Variants in DLG2 observed in about 807,000 individuals in gnomAD.
DLG2 encodes disks large homolog 2.
DLG2 carries 45 observed loss-of-function variants against 132.5 expected under a neutral mutation model. The ratio of observed to expected loss-of-function variants is 0.34; its 90% CI spans 0.27 to 0.44. The LOEUF (loss-of-function observed/expected upper bound fraction) is 0.44. DLG2 is among the 20% of genes least tolerant of loss of function. DLG2 has a pLI of 1.00. For missense variants in DLG2, 1,045 were observed against 1,196.9 expected (o/e 0.87, Z 1.87); for synonymous variants, 424 against 419.6 (o/e 1.01, Z -0.13).
chr11:84,556,041 G>C (rs575462599), intron 6 of DLG2, among the ~76,000 whole-genome samples: 97 of 152,218 alleles, frequency 6.4e-4, no homozygotes, highest in Admixed American at 1.6e-3. Flanking sequence ...GTTTTCTTTT[G>C]CCCACCCACA....
At chr11:85,272,319 GTCTCAGATA>G (rs1366005771) in intron 4 of DLG2, among the ~76,000 whole-genome samples, 3 of 152,136 alleles carry the variant, frequency 2.0e-5, no homozygotes, top group Non-Finnish European at 4.4e-5. Flanking sequence ...AAGTTGCCCA[GTCTCAGATA>G]TGTCTTTATC....
chr11:85,192,316 T>C (rs1308736203), intron 4 of DLG2, among the ~76,000 whole-genome samples: 1 of 152,240 alleles, frequency 6.6e-6, no homozygotes, highest in Non-Finnish European at 1.5e-5. Context: ...ATCATTATCA[T>C]TACAATCTTG....
At chr11:84,609,235 C>A (rs2099591077) in intron 6 of DLG2, among the ~76,000 whole-genome samples, 1 of 152,086 alleles carries the variant, frequency 6.6e-6, no homozygotes, top group South Asian at 2.1e-4. Flanking sequence ...TAGTTAACCT[C>A]TCTGTGCTTC....
At chr11:83,851,435 G>A (rs1436492269) in intron 16 of DLG2, among the ~76,000 whole-genome samples, 2 of 151,660 alleles carry the variant, frequency 1.3e-5, no homozygotes, top group African/African-American at 4.8e-5. Flanking sequence ...GACTAGCTTG[G>A]CCAACATGGT....
rs144118270 is a variant in DLG2 at position 84,625,976 on chromosome 11, G to A, written c.358-91245C>T. Among the ~76,000 whole-genome samples, 604 of 152,222 alleles carry A rather than the reference G, an allele frequency of 4.0e-3. 3 individuals are homozygous for A. The highest frequency in any genetic ancestry group is 6.7e-3 in the Non-Finnish European group (456 of 67,998). ...AACAATTAGGTGCCAAGCATAGAAT[G>A]TATTTTTCTTTGTCTTTGTCACCAT... On this transcript the variant is annotated intron_variant, in intron 6 of 27. Coordinates refer to ENST00000376104, the MANE Select transcript of DLG2 (RefSeq NM_001142699.3).
At chr11:85,071,686 A>C (rs2065890129) in intron 6 of DLG2, among the ~76,000 whole-genome samples, 1 of 151,796 alleles carries the variant, frequency 6.6e-6, no homozygotes, top group African/African-American at 2.4e-5. Context: ...TTCAAACATA[A>C]ACTGATCCTT....
At chr11:85,514,398 G>T (rs1247529593) in intron 3 of DLG2, among the ~76,000 whole-genome samples, 1 of 151,984 alleles carries the variant, frequency 6.6e-6, no homozygotes, top group Non-Finnish European at 1.5e-5. Context: ...TCACATAGGA[G>T]AAATTTTTGA....
intron 4 of DLG2, among the ~76,000 whole-genome samples, chr11:85,221,235 G>C (rs1347059220): frequency 2.0e-5 from 3 of 151,766 alleles, no homozygotes; most frequent in Non-Finnish European, 4.4e-5. Context: ...GTAGAGATGG[G>C]GTTTCACCGC....
At position 84,579,270 on chromosome 11, in the gene DLG2, G is replaced by T. The variant is rs182536284; in HGVS notation, c.358-44539C>A. Among the ~76,000 whole-genome samples, 36 of 151,728 alleles carry T rather than the reference G, an allele frequency of 2.4e-4. 1 individual carries two copies. In the East Asian group the frequency reaches 6.6e-3, roughly 28 times the overall value. On this transcript the variant is annotated intron_variant, in intron 6 of 27. Coordinates refer to ENST00000376104, the MANE Select transcript of DLG2 (RefSeq NM_001142699.3). The stretch of plus-strand genomic sequence containing the variant: ...CCTAACCTTTGGTAGTACAAAAAGG[G>T]TTCATGATTTTTCTTTTGTAAAAAT...
intron 6 of DLG2, among the ~76,000 whole-genome samples, chr11:84,815,375 AG>A (rs990348627): frequency 6.6e-6 from 1 of 152,044 alleles, no homozygotes; most frequent in Admixed American, 6.6e-5. Context: ...GACATCTCCA[AG>A]GGGCAGAAGG....
chr11:83,482,341 C>CA (rs1254062010), intron 22 of DLG2, among the ~76,000 whole-genome samples: 9 of 151,498 alleles, frequency 5.9e-5, no homozygotes, highest in South Asian at 2.1e-4. Context: ...AACAACAAAA[C>CA]AAAAAAAATT....
At chr11:83,499,973 T>G (rs1187653385) in intron 21 of DLG2, among the ~76,000 whole-genome samples, 2 of 145,966 alleles carry the variant, frequency 1.4e-5, no homozygotes, top group Non-Finnish European at 3.0e-5. Flanking sequence ...GCTGGTAAAA[T>G]AACCTCCCTA....
intron 19 of DLG2, among the ~76,000 whole-genome samples, chr11:83,615,475 A>T (rs1478535386): frequency 6.6e-6 from 1 of 152,162 alleles, no homozygotes; most frequent in African/African-American, 2.4e-5. Flanking sequence ...GGGCAGAATA[A>T]CACCCCCTCA....
chr11:83,986,768 G>T (rs2093349911), intron 11 of DLG2, among the ~76,000 whole-genome samples: 1 of 152,116 alleles, frequency 6.6e-6, no homozygotes, highest in African/African-American at 2.4e-5. Flanking sequence ...GGTGTGAGAT[G>T]GTATCTCATT....
intron 18 of DLG2, among the ~76,000 whole-genome samples, chr11:83,680,281 G>A (rs2078541502): frequency 6.6e-6 from 1 of 152,138 alleles, no homozygotes; most frequent in Admixed American, 6.6e-5. Flanking sequence ...AATAAACCGT[G>A]GAGTGTGGCG....
intron 6 of DLG2, among the ~76,000 whole-genome samples, chr11:84,625,027 A>AT (rs2099620214): frequency 6.7e-6 from 1 of 148,366 alleles, no homozygotes; most frequent in African/African-American, 2.5e-5. Flanking sequence ...CGCCCGGCTA[A>AT]TTTTTTGTAT....
At chr11:84,205,611 A>G (rs960940731) in intron 8 of DLG2, among the ~76,000 whole-genome samples, 3 of 152,134 alleles carry the variant, frequency 2.0e-5, no homozygotes, top group Non-Finnish European at 4.4e-5. Context: ...GAGTCAAATA[A>G]AAGATCATAA....
At chr11:85,517,746 C>T (rs778743039) in intron 3 of DLG2, among the ~76,000 whole-genome samples, 1 of 152,072 alleles carries the variant, frequency 6.6e-6, no homozygotes, top group Non-Finnish European at 1.5e-5. Flanking sequence ...ACTACAGGCA[C>T]ATGCCACCAT....
At chr11:85,048,484 A>C (rs1184289085) in intron 6 of DLG2, among the ~76,000 whole-genome samples, 1 of 151,986 alleles carries the variant, frequency 6.6e-6, no homozygotes, top group Non-Finnish European at 1.5e-5. Context: ...ATCTGCAATC[A>C]TACATTGTCT....
Sources: allele counts gnomAD v4.1 joint callset (sites outside exome capture counted in the v4.1 genomes callset), GRCh38; gene constraint gnomAD v4.1.1; transcripts MANE v1.5; gene names NCBI Gene and HGNC (gene_info 2026-07-23, HGNC 2026-07-21).